Variants in APP observed in about 807,000 individuals in gnomAD.
APP encodes the protein amyloid beta precursor protein, also known as amyloid-beta precursor protein.
In APP, 31 loss-of-function variants were observed where a neutral mutation model predicts 101.4. The ratio of observed to expected loss-of-function variants is 0.31; its 90% CI spans 0.23 to 0.41. The LOEUF is 0.41. Ranked by LOEUF, APP falls within the 10% of genes least tolerant of loss-of-function variation. APP has a pLI of 1.00. For synonymous variants in APP, 366 were observed against 364.4 expected, an observed-to-expected ratio of 1.00 and a Z score of -0.05; for missense variants, 839 against 1,003.7, an observed-to-expected ratio of 0.84 and a Z score of 2.22.
chr21:26,090,166 A>C (rs2061793351), intron 2 of APP, 94 bp from the exon 3 acceptor site: 1 of 1,567,236 alleles, frequency 6.4e-7, no homozygotes, highest in African/African-American at 1.4e-5. Context: ...GTACAGGTGG[A>C]GTGTCCCTTA....
chr21:26,015,247 TGGA>T (rs1490100060), intron 6 of APP, among the ~76,000 whole-genome samples: 1 of 46,398 alleles, frequency 2.2e-5, no homozygotes, highest in Non-Finnish European at 4.2e-5. Flanking sequence ...TCAAATGCAA[TGGA>T]GGATCGGAAT....
At chr21:25,910,662 C>G (rs2039025731) in intron 14 of APP, among the ~76,000 whole-genome samples, 1 of 152,202 alleles carries the variant, frequency 6.6e-6, no homozygotes, top group Non-Finnish European at 1.5e-5. Context: ...AGGATGCCAT[C>G]TACTGCTCAA....
At chr21:26,093,908 G>A (rs2061882772) in intron 2 of APP, among the ~76,000 whole-genome samples, 1 of 152,130 alleles carries the variant, frequency 6.6e-6, no homozygotes, top group Non-Finnish European at 1.5e-5. Flanking sequence ...GAGGTCAAGA[G>A]ATCAAGACCA....
At position 25,940,587 on chromosome 21, in the gene APP, AT is replaced by A. The variant is rs1169943998; in HGVS notation, c.1687+14002del. ...ACAACTAATTATCAGATATGCATGC[AT>A]TTTTTTTCTATGAATTGCAGCTGTT... On this transcript the variant is annotated intron_variant, in intron 13 of 17. Transcript: ENST00000346798. 1.8e-4 allele frequency among the ~76,000 whole-genome samples: 27 copies of A among 152,086 alleles called. No homozygotes were observed. The East Asian group carries it at 3.5e-3, about 20-fold the overall frequency.
At chr21:25,923,402 C>T (rs2146360618) in intron 13 of APP, among the ~76,000 whole-genome samples, 1 of 145,656 alleles carries the variant, frequency 6.9e-6, no homozygotes, top group African/African-American at 2.7e-5. Flanking sequence ...AACTAAAGAG[C>T]TTCTGCACAG....
intron 1 of APP, among the ~76,000 whole-genome samples, chr21:26,139,513 G>A (rs558547029): frequency 6.6e-6 from 1 of 152,326 alleles, no homozygotes; most frequent in East Asian, 1.9e-4. Context: ...TGAGAACTAT[G>A]TGTTTATACT....
chr21:26,043,902 C>G (rs1021373448), intron 5 of APP, among the ~76,000 whole-genome samples: 3 of 152,214 alleles, frequency 2.0e-5, no homozygotes, highest in African/African-American at 7.2e-5. Context: ...CTAGCTTGTA[C>G]TTAACCATGA....
intron 1 of APP, among the ~76,000 whole-genome samples, chr21:26,168,568 GA>G (rs2063667190): frequency 6.6e-6 from 1 of 151,532 alleles, no homozygotes; most frequent in Non-Finnish European, 1.5e-5. Context: ...TTTTTATACA[GA>G]AAGAAATATT....
chr21:25,896,920 T>C (rs1189755377), intron 16 of APP, among the ~76,000 whole-genome samples: 2 of 152,192 alleles, frequency 1.3e-5, no homozygotes, highest in African/African-American at 4.8e-5. Context: ...CGGATGTGAA[T>C]TTAAGCCACA....
intron 9 of APP, among the ~76,000 whole-genome samples, chr21:25,978,384 T>C (rs2042300501): frequency 6.6e-6 from 1 of 152,164 alleles, no homozygotes; most frequent in African/African-American, 2.4e-5. Context: ...ACAAAATCTA[T>C]CTAATTTAAT....
At chr21:26,055,160 G>A (rs1178308792) in intron 3 of APP, among the ~76,000 whole-genome samples, 1 of 152,130 alleles carries the variant, frequency 6.6e-6, no homozygotes, top group Admixed American at 6.5e-5. Context: ...CCCAAAGGCT[G>A]CAGGTGTCAC....
intron 13 of APP, among the ~76,000 whole-genome samples, chr21:25,912,478 A>G (rs145779085): frequency 4.6e-5 from 7 of 152,276 alleles, no homozygotes; most frequent in African/African-American, 1.2e-4. Context: ...CTTCTTGAAT[A>G]GTTTTCACTG....
At chr21:26,091,146 A>G (rs17001698) in intron 2 of APP, among the ~76,000 whole-genome samples, 2,460 of 152,342 alleles carry the variant, frequency 0.016, 61 homozygotes, top group African/African-American at 0.056. Flanking sequence ...TGCCAGATAA[A>G]TAACAACGAA....
chr21:26,136,907 TC>T (rs1352760448), intron 1 of APP, among the ~76,000 whole-genome samples: 1 of 152,188 alleles, frequency 6.6e-6, no homozygotes, highest in African/African-American at 2.4e-5. Flanking sequence ...CCATTCGTCT[TC>T]CTTTTTGAGA....
At chr21:25,979,120 A>G (rs1400588593) in intron 9 of APP, among the ~76,000 whole-genome samples, 4 of 152,218 alleles carry the variant, frequency 2.6e-5, no homozygotes, top group African/African-American at 4.8e-5. Context: ...TATAGCAACA[A>G]AAATCTACAG....
intron 1 of APP, among the ~76,000 whole-genome samples, chr21:26,169,669 C>G (rs467956): frequency 1 from 152,375 of 152,376 alleles, 76,187 homozygotes; most frequent in Middle Eastern, 1. Flanking sequence ...GACGCGCAGC[C>G]CCGGGAAGGG....
chr21:25,898,152 A>G lies in APP; in HGVS notation c.1964-479T>C, dbSNP rs532797330. On this transcript the variant is annotated intron_variant, in intron 15 of 17. Coordinates refer to ENST00000346798, the MANE Select transcript of APP (RefSeq NM_000484.4). ...ACTTTGGGGCTTTGTTCCAATTACA[A>G]ATAAATTATGTTCATGTATCTATGC... 9.2e-5 allele frequency among the ~76,000 whole-genome samples: 14 copies of G among 152,330 alleles called. No homozygotes were observed. In the South Asian group the frequency reaches 2.5e-3, roughly 27 times the overall value.
chr21:25,886,675 G>A (rs1034633225), intron 17 of APP, among the ~76,000 whole-genome samples: 1 of 152,154 alleles, frequency 6.6e-6, no homozygotes, highest in Non-Finnish European at 1.5e-5. Context: ...GATTACAGGT[G>A]TGAGCCACCA....
intron 13 of APP, among the ~76,000 whole-genome samples, chr21:25,952,856 T>C (rs1226692495): frequency 6.6e-6 from 1 of 152,224 alleles, no homozygotes; most frequent in Non-Finnish European, 1.5e-5. Flanking sequence ...GAGAACTTCT[T>C]TACACTTATT....
Sources: allele counts gnomAD v4.1 joint callset (sites outside exome capture counted in the v4.1 genomes callset), GRCh38; gene constraint gnomAD v4.1.1; transcripts MANE v1.5; gene names NCBI Gene and HGNC (gene_info 2026-07-23, HGNC 2026-07-21).